Variants in FAM193A observed in about 807,000 individuals in gnomAD.
FAM193A encodes the protein family with sequence similarity 193 member A.
A neutral mutation model predicts 126.5 loss-of-function variants in FAM193A; 22 were observed. The ratio of observed to expected loss-of-function variants is 0.17; its 90% confidence interval spans 0.12 to 0.25. The LOEUF (loss-of-function observed/expected upper bound fraction) is 0.25. FAM193A is among the 10% of genes least tolerant of loss of function. FAM193A has a pLI of 1.00. For synonymous variants in FAM193A, 761 were observed against 646.8 expected (o/e 1.18, Z -2.68); for missense variants, 1,675 against 1,672.8 (o/e 1.00, Z -0.02).
intron 12 of FAM193A, among the ~76,000 whole-genome samples, chr4:2,664,558 C>CTTTTTTTTTT (rs33958851): frequency 2.1e-4 from 15 of 73,094 alleles, no homozygotes; most frequent in East Asian, 8.2e-4. Context: ...TATTTTCTTT[C>CTTTTTTTTTT]TTTTTTTTTT....
intron 1 of FAM193A, among the ~76,000 whole-genome samples, chr4:2,588,692 T>A (rs952095298): frequency 6.6e-6 from 1 of 150,996 alleles, no homozygotes; most frequent in Non-Finnish European, 1.5e-5. Context: ...TTTCAGCCTC[T>A]GTTCTATTTA....
At chr4:2,694,166 A>T (rs907917696) in intron 16 of FAM193A, among the ~76,000 whole-genome samples, 1 of 152,184 alleles carries the variant, frequency 6.6e-6, no homozygotes, top group Admixed American at 6.5e-5. Flanking sequence ...CTCATTGTAT[A>T]AGTTGTATTT....
intron 2 of FAM193A, among the ~76,000 whole-genome samples, chr4:2,621,977 T>C (rs1742572000): frequency 6.6e-6 from 1 of 152,036 alleles, no homozygotes; most frequent in Admixed American, 6.6e-5. Context: ...AAATGTGGCT[T>C]AGTGTGGTGG....
At chr4:2,716,986 A>AT (rs551346955) in intron 20 of FAM193A, among the ~76,000 whole-genome samples, 413 of 145,896 alleles carry the variant, frequency 2.8e-3, no homozygotes, top group African/African-American at 8.2e-3. Flanking sequence ...TATTTATTTC[A>AT]TTTTTTTTAT....
chr4:2,708,557 G>T (rs1312612963), intron 19 of FAM193A, among the ~76,000 whole-genome samples: 1 of 151,618 alleles, frequency 6.6e-6, no homozygotes, highest in African/African-American at 2.4e-5. Context: ...ACGCCTTCTG[G>T]GTTCAAGCGA....
intron 13 of FAM193A, among the ~76,000 whole-genome samples, chr4:2,678,582 C>T (rs1481316820): frequency 1.3e-5 from 2 of 151,890 alleles, no homozygotes; most frequent in African/African-American, 2.4e-5. Flanking sequence ...AGGCTGGTCT[C>T]GAACTCCTGA....
intron 2 of FAM193A, among the ~76,000 whole-genome samples, chr4:2,615,961 G>A (rs1472744819): frequency 2.0e-5 from 3 of 152,066 alleles, no homozygotes; most frequent in Non-Finnish European, 2.9e-5. Flanking sequence ...ACACATGCAC[G>A]CCACCATGCC....
chr4:2,699,452 A>C (rs866186102), intron 18 of FAM193A, among the ~76,000 whole-genome samples: 18,114 of 93,684 alleles, frequency 0.19, 3,419 homozygotes, highest in South Asian at 0.32. Context: ...CCCCCCACAC[A>C]CACACACACA....
chr4:2,660,084 G>T, intron 10 of FAM193A, 30 bp downstream of exon 10: 1 of 1,607,696 alleles, frequency 6.2e-7, no homozygotes, highest in Non-Finnish European at 8.5e-7. Context: ...TAAAGTTTCC[G>T]AAATTTAAGT....
intron 2 of FAM193A, among the ~76,000 whole-genome samples, chr4:2,611,901 A>G (rs1014286212): frequency 3.4e-5 from 5 of 148,442 alleles, no homozygotes; most frequent in Non-Finnish European, 7.4e-5. Flanking sequence ...CAGTGGCACT[A>G]TCTCGGCTCA....
intron 1 of FAM193A, among the ~76,000 whole-genome samples, chr4:2,542,626 G>A (rs964460678): frequency 6.6e-6 from 1 of 152,136 alleles, no homozygotes; most frequent in Non-Finnish European, 1.5e-5. Context: ...GAGCTTTTTG[G>A]AGTACCTTGT....
intron 1 of FAM193A, among the ~76,000 whole-genome samples, chr4:2,556,747 A>T (rs1738284889): frequency 1.3e-5 from 2 of 152,202 alleles, no homozygotes; most frequent in African/African-American, 4.8e-5. Flanking sequence ...GTGGGACAGA[A>T]TTACTGCTTG....
chr4:2,626,971 G>A (rs973853473), intron 4 of FAM193A, among the ~76,000 whole-genome samples: 12 of 151,956 alleles, frequency 7.9e-5, no homozygotes, highest in Non-Finnish European at 1.6e-4. Context: ...AAAAAATGGG[G>A]GCTCTGTGAG....
At chr4:2,600,757 G>A (rs939432220) in intron 2 of FAM193A, among the ~76,000 whole-genome samples, 4 of 152,072 alleles carry the variant, frequency 2.6e-5, no homozygotes, top group Non-Finnish European at 4.4e-5. Context: ...AGACTTTGTC[G>A]CTTTGATTAT....
At chr4:2,599,237 T>C (rs1741051411) in intron 2 of FAM193A, among the ~76,000 whole-genome samples, 1 of 151,954 alleles carries the variant, frequency 6.6e-6, no homozygotes, top group Admixed American at 6.6e-5. Context: ...TTCTAACCAC[T>C]TTTATGGCCT....
rs941488968 is a variant in FAM193A, at chr4:2,631,184, G to A, written c.1038+15G>A. 15 of 1,588,302 alleles carry A rather than the reference G, an allele frequency of 9.4e-6. No individual in the cohort carries two copies. The highest frequency in any genetic ancestry group is 2.7e-5 in the African/African-American group (2 of 74,078). ...TTGGCACTCTGGTAAGAGAGAAAAC[G>A]TGTTTTTCTTTCTGTTTGGATGAGC... On this transcript the variant is annotated intron_variant, in intron 5 of 20. Coordinates refer to ENST00000637812, the MANE Select transcript of FAM193A (RefSeq NM_001366318.2).
chr4:2,694,306 G>C (rs1338505637), intron 16 of FAM193A, among the ~76,000 whole-genome samples: 1 of 151,828 alleles, frequency 6.6e-6, no homozygotes, highest in Non-Finnish European at 1.5e-5. Context: ...GTCTCACTCT[G>C]TCGCCCAGGC....
chr4:2,696,014 C>T (rs546216915), intron 17 of FAM193A, among the ~76,000 whole-genome samples: 18 of 149,442 alleles, frequency 1.2e-4, no homozygotes, highest in Non-Finnish European at 2.2e-4. Context: ...GGTGACAGAG[C>T]AAGACCTTGT....
intron 2 of FAM193A, among the ~76,000 whole-genome samples, chr4:2,616,676 C>T (rs950883500): frequency 1.3e-5 from 2 of 151,942 alleles, no homozygotes; most frequent in African/African-American, 4.8e-5. Context: ...TCTCCCACCT[C>T]AGCCTCCCAA....
Sources: allele counts gnomAD v4.1 joint callset (sites outside exome capture counted in the v4.1 genomes callset), GRCh38; gene constraint gnomAD v4.1.1; transcripts MANE v1.5; gene names NCBI Gene and HGNC (gene_info 2026-07-23, HGNC 2026-07-21).